The following ZNF333 variants were observed in gnomAD, a reference collection of about 807,000 sequenced individuals.
ZNF333 encodes zinc finger protein 333.
Under a neutral mutation model 76.1 loss-of-function variants are expected in ZNF333, and 61 were observed. That is an observed-to-expected ratio of 0.80 (90% confidence interval 0.65 to 0.99). ZNF333 has a LOEUF of 0.99. Ranked by LOEUF, ZNF333 falls within the 50% of genes least tolerant of loss-of-function variation. The pLI, the probability that ZNF333 is intolerant of heterozygous loss-of-function variation, is 0.00. For missense variants in ZNF333, 717 were observed against 822.4 expected, an observed-to-expected ratio of 0.87 and a Z score of 1.57; for synonymous variants, 284 against 305.0, an observed-to-expected ratio of 0.93 and a Z score of 0.72.
At chr19:14,699,358 G>T (rs1973518353) in intron 5 of ZNF333, 77 bp downstream of exon 5, 1 of 1,265,252 alleles carries the variant, frequency 7.9e-7, no homozygotes, top group Admixed American at 1.7e-5. Flanking sequence ...TACAGGACCA[G>T]AGCCAGGGAG....
chr19:14,698,898 A>ATATAT (rs1973441507), intron 4 of ZNF333, among the ~76,000 whole-genome samples: 1 of 101,268 alleles, frequency 9.9e-6, no homozygotes, highest in Non-Finnish European at 1.9e-5. Flanking sequence ...ACACAAATAT[A>ATATAT]GATATATATA....
In ZNF333 at chr19:14,720,243, C is replaced by T. The variant is rs954713114; in HGVS notation, c.*918C>T. On this transcript the variant is annotated 3_prime_UTR_variant, in exon 12 of 12. Transcript: ENST00000292530. ...TCCCAGCCCTTCTTGCAAGCAAGGG[C>T]AGGCCATTTCCTCCGGTCCTGGCTA... 3 of 985,354 alleles carry T rather than the reference C, an allele frequency of 3.0e-6. No individual in the cohort carries two copies. The highest frequency in any genetic ancestry group is 3.6e-6 in the Non-Finnish European group (3 of 829,934). 61.0% of individuals were successfully genotyped at this position (985,354 alleles called of 1,614,324 possible).
intron 5 of ZNF333, chr19:14,701,556 C>T (rs2041959162): frequency 1.0e-6 from 1 of 985,058 alleles, no homozygotes; most frequent in Non-Finnish European, 1.2e-6. Context: ...TTCCCATCCT[C>T]CACCTCCATG....
At position 14,692,608 on chromosome 19, in the gene ZNF333, G is replaced by A. The variant is rs534098156; in HGVS notation, c.-41-843G>A. On this transcript the variant is annotated intron_variant, in intron 1 of 11. Coordinates refer to ENST00000292530, the MANE Select transcript of ZNF333 (RefSeq NM_032433.4). ...GCTCACTGCAGCCTCCACCTCCCGG[G>A]TTCCAGCGATTTTCTGGCCTCAGCT... Among the ~76,000 whole-genome samples, 9 of 152,218 alleles carry A rather than the reference G, an allele frequency of 5.9e-5. No homozygotes were observed. In the South Asian group the frequency reaches 1.9e-3, roughly 32 times the overall value.
intron 2 of ZNF333, among the ~76,000 whole-genome samples, chr19:14,693,796 T>C (rs1972947516): frequency 6.6e-6 from 1 of 152,104 alleles, no homozygotes; most frequent in African/African-American, 2.4e-5. Context: ...CATAGAAATA[T>C]AAATTCAGCT....
chr19:14,730,423 C>A (rs7252820), intron 11 of ZNF333, among the ~76,000 whole-genome samples: 1 of 151,990 alleles, frequency 6.6e-6, no homozygotes, highest in East Asian at 1.9e-4. Context: ...CACCATCAGT[C>A]TGTCCTTCCT....
downstream of ZNF333, among the ~76,000 whole-genome samples, chr19:14,722,265 A>G (rs1167345190): frequency 6.6e-6 from 1 of 152,208 alleles, no homozygotes; most frequent in Non-Finnish European, 1.5e-5. Flanking sequence ...CCTCCTATCA[A>G]GAGGTGGAGT....
intron 5 of ZNF333, 78 bp downstream of exon 5, chr19:14,699,359 A>G: frequency 1.6e-6 from 2 of 1,266,680 alleles, no homozygotes; most frequent in Non-Finnish European, 2.3e-6. Flanking sequence ...ACAGGACCAG[A>G]GCCAGGGAGA....
intron 11 of ZNF333, among the ~76,000 whole-genome samples, chr19:14,728,885 A>G (rs2042649983): frequency 6.6e-6 from 1 of 152,150 alleles, no homozygotes; most frequent in African/African-American, 2.4e-5. Context: ...CCTTAACGCA[A>G]TCCCTGCCTC....
At chr19:14,715,167 A>G (rs762810720) in intron 7 of ZNF333, 2 of 530,392 alleles carry the variant, frequency 3.8e-6, no homozygotes, top group Non-Finnish European at 3.5e-6. Context: ...TTGTGTGTAT[A>G]TGTGTGCATG....
intron 7 of ZNF333, among the ~76,000 whole-genome samples, chr19:14,714,522 C>T (rs569823596): frequency 6.6e-6 from 1 of 152,298 alleles, no homozygotes; most frequent in South Asian, 2.1e-4. Context: ...ACTTTGGACT[C>T]CTCGTCTCTA....
In ZNF333 at chr19:14,705,066, T is replaced by C. The variant is rs1023416680; in HGVS notation, c.319T>C (p.Phe107Leu). Residue 107 changes from phenylalanine (F) to leucine (L), a missense_variant, in exon 6 of 12, where the codon TTC becomes CTC. By Grantham distance (22) the Phe-to-Leu change is conservative. Transcript: ENST00000292530. ...SRDMQMGPGL[F>L]LRMQLVPSIE... ...TGTCTTTTGCCAGGGGCCGGGGCTGTTCCTGAGGATGCAGCTGGTGCCCTC... is the reference window on the plus strand; with the variant it reads ...TGTCTTTTGCCAGGGGCCGGGGCTGCTCCTGAGGATGCAGCTGGTGCCCTC... The C allele has an allele frequency of 1.2e-6, 2 of 1,613,802 alleles. No homozygotes were observed. Among genetic ancestry groups the C allele is most frequent in the Non-Finnish European group, 1.7e-6 (2 of 1,179,902 alleles).
chr19:14,718,736 G>A lies in ZNF333; in HGVS notation c.1409G>A (p.Arg470Lys). Reference sequence around the variant, plus strand: ...CCATCATCCCTCAGGAGCCACGTGAGAACTCACACTGGAGAGAAGCCCTTT... The same window carrying A: ...CCATCATCCCTCAGGAGCCACGTGAAAACTCACACTGGAGAGAAGCCCTTT... ...NQPSSLRSHV[R>K]THTGEKPFEC... Residue 470 changes from arginine (R) to lysine (K), a missense_variant, in exon 12 of 12, where the codon AGA becomes AAA. By Grantham distance (26) the Arg-to-Lys change is conservative. Coordinates refer to ENST00000292530, the MANE Select transcript of ZNF333 (RefSeq NM_032433.4). 1.2e-6 allele frequency: 2 copies of A among 1,614,094 alleles called. No homozygotes were observed. The highest frequency in any genetic ancestry group is 8.5e-7 in the Non-Finnish European group (1 of 1,180,026).
chr19:14,695,045 C>G lies in ZNF333; in HGVS notation c.39C>G (p.Phe13Leu), dbSNP rs1348300267. 6.2e-7 allele frequency: 1 copy of G among 1,614,138 alleles called. No individual in the cohort carries two copies. Among genetic ancestry groups the G allele is most frequent in the Admixed American group, 1.7e-5 (1 of 60,020 alleles). ...CCTTTGAGGATGTGGCCGTGGAGTT[C>G]ATCCAGGAGTGGGCATTGCTGGACA... ...SVTFEDVAVEFIQEWALLDSA... is the reference protein window; with the variant it reads ...SVTFEDVAVELIQEWALLDSA... The change falls in exon 3 of 12, where the codon TTC becomes TTG. Residue 13 changes from phenylalanine (F) to leucine (L), a missense_variant. Phe to Leu is a conservative substitution (Grantham distance 22). Coordinates refer to ENST00000292530, the MANE Select transcript of ZNF333 (RefSeq NM_032433.4).
chr19:14,706,554 G>A, intron 6 of ZNF333, 132 bp from the exon 7 acceptor site: 1 of 746,992 alleles, frequency 1.3e-6, no homozygotes, highest in Non-Finnish European at 2.4e-6. Context: ...CAAGGTAAAT[G>A]GGTCTCTCTC....
At chr19:14,723,303 C>T (rs1362034507), downstream of ZNF333, among the ~76,000 whole-genome samples, 1 of 152,142 alleles carries the variant, frequency 6.6e-6, no homozygotes, top group Non-Finnish European at 1.5e-5. Flanking sequence ...TATGCCATTA[C>T]CGTATTGTGT....
downstream of ZNF333, among the ~76,000 whole-genome samples, chr19:14,726,674 C>T (rs756550606): frequency 7.2e-5 from 11 of 152,130 alleles, no homozygotes; most frequent in Admixed American, 2.0e-4. Context: ...TCAAACTTCC[C>T]GAAAGCCTTA....
intron 9 of ZNF333, among the ~76,000 whole-genome samples, chr19:14,716,637 A>G (rs1038807996): frequency 1.3e-5 from 2 of 152,074 alleles, no homozygotes; most frequent in Admixed American, 1.3e-4. Flanking sequence ...CCTAGTGGTG[A>G]AAAAAAAGAT....
intron 4 of ZNF333, among the ~76,000 whole-genome samples, chr19:14,698,935 T>TATATATATATATATATAC (rs1180611568): frequency 7.2e-6 from 1 of 139,332 alleles, no homozygotes; most frequent in Non-Finnish European, 1.5e-5. Flanking sequence ...TATATATATA[T>TATATATATATATATATAC]ACACACATAT....
Sources: allele counts gnomAD v4.1 joint callset (sites outside exome capture counted in the v4.1 genomes callset), GRCh38; gene constraint gnomAD v4.1.1; transcripts MANE v1.5; gene names NCBI Gene and HGNC (gene_info 2026-07-23, HGNC 2026-07-21).